MDFIC: variants seen among roughly 807,000 people sequenced by gnomAD.
The protein encoded by MDFIC is myoD family inhibitor domain-containing protein.
In MDFIC, 17 loss-of-function variants were observed where a neutral mutation model predicts 23.2. The ratio of observed to expected loss-of-function variants is 0.73; its 90% CI spans 0.50 to 1.10. MDFIC has a LOEUF of 1.10. MDFIC is among the 50% of genes least tolerant of loss of function. The pLI is 0.00. For synonymous variants in MDFIC, 120 were observed against 115.2 expected, an observed-to-expected ratio of 1.04 and a Z score of -0.27; for missense variants, 356 against 316.6, an observed-to-expected ratio of 1.12 and a Z score of -0.95.
At chr7:114,923,698 G>C in intron 2 of MDFIC, 1 of 1,369,766 alleles carries the variant, frequency 7.3e-7, no homozygotes, top group Non-Finnish European at 9.5e-7. Context: ...TTCTTCCAAA[G>C]TGTAAACACA....
At chr7:114,946,025 TCTGA>T (rs1176158404) in intron 3 of MDFIC, among the ~76,000 whole-genome samples, 1 of 152,208 alleles carries the variant, frequency 6.6e-6, no homozygotes, top group African/African-American at 2.4e-5. Flanking sequence ...TCACTATTCC[TCTGA>T]CTTAGTAAAA....
intron 2 of MDFIC, among the ~76,000 whole-genome samples, chr7:114,936,886 AATTT>A (rs1395806861): frequency 1.3e-5 from 2 of 152,004 alleles, no homozygotes; most frequent in African/African-American, 4.8e-5. Flanking sequence ...AACATTGATT[AATTT>A]ATTCTTTCAA....
At chr7:114,947,140 A>G (rs568329078) in intron 3 of MDFIC, among the ~76,000 whole-genome samples, 1 of 152,298 alleles carries the variant, frequency 6.6e-6, no homozygotes, top group South Asian at 2.1e-4. Flanking sequence ...GTCATCAACC[A>G]GCCCCTAGAT....
At chr7:115,014,062 T>G in intron 4 of MDFIC, 1 of 985,328 alleles carries the variant, frequency 1.0e-6, no homozygotes, top group Non-Finnish European at 1.2e-6. Flanking sequence ...CAAACACAAC[T>G]CTGGAATTTC....
intron 4 of MDFIC, among the ~76,000 whole-genome samples, chr7:115,005,363 A>G (rs993083812): frequency 6.6e-6 from 1 of 152,192 alleles, no homozygotes; most frequent in African/African-American, 2.4e-5. Flanking sequence ...TGCCCCCACT[A>G]TGTTGTGTCC....
intron 3 of MDFIC, among the ~76,000 whole-genome samples, chr7:114,949,389 G>A (rs762749395): frequency 6.6e-6 from 1 of 152,092 alleles, no homozygotes; most frequent in Non-Finnish European, 1.5e-5. Flanking sequence ...TCCCAAAAAT[G>A]CTAACCACTG....
intron 2 of MDFIC, among the ~76,000 whole-genome samples, chr7:114,936,994 C>A (rs1792436697): frequency 6.6e-6 from 1 of 151,844 alleles, no homozygotes; most frequent in African/African-American, 2.4e-5. Context: ...ATGTTATTAT[C>A]TAATTTATTA....
chr7:115,010,042 A>C (rs1277132139), intron 4 of MDFIC, among the ~76,000 whole-genome samples: 3 of 150,884 alleles, frequency 2.0e-5, no homozygotes, highest in Non-Finnish European at 4.4e-5. Flanking sequence ...TAATGACTGA[A>C]TAAAACCATA....
intron 2 of MDFIC, among the ~76,000 whole-genome samples, chr7:114,940,800 G>A (rs1792522907): frequency 6.6e-6 from 1 of 152,084 alleles, no homozygotes; most frequent in Non-Finnish European, 1.5e-5. Flanking sequence ...AGAATAAATT[G>A]GTCTCATGAT....
At chr7:114,978,905 A>G (rs1163547768) in intron 3 of MDFIC, among the ~76,000 whole-genome samples, 1 of 152,194 alleles carries the variant, frequency 6.6e-6, no homozygotes, top group Non-Finnish European at 1.5e-5. Context: ...GTTTTATTAA[A>G]GAAATTATCT....
chr7:114,969,932 A>T (rs1480556273), intron 3 of MDFIC, among the ~76,000 whole-genome samples: 18 of 152,202 alleles, frequency 1.2e-4, no homozygotes, highest in Admixed American at 1.2e-3. Flanking sequence ...ATTTGGAAGT[A>T]GCCCTTCATG....
intron 2 of MDFIC, among the ~76,000 whole-genome samples, chr7:114,931,859 C>T (rs1313648130): frequency 6.6e-6 from 1 of 152,072 alleles, no homozygotes; most frequent in Non-Finnish European, 1.5e-5. Flanking sequence ...ATCTTGTGGT[C>T]GAGCAGGTGA....
chr7:114,927,082 T>C (rs1029480436), intron 2 of MDFIC, among the ~76,000 whole-genome samples: 7 of 152,140 alleles, frequency 4.6e-5, no homozygotes, highest in African/African-American at 1.7e-4. Context: ...ATGCATAGGA[T>C]AGGACAACCT....
At chr7:114,934,213 T>G (rs1792383046) in intron 2 of MDFIC, among the ~76,000 whole-genome samples, 1 of 152,198 alleles carries the variant, frequency 6.6e-6, no homozygotes, top group South Asian at 2.1e-4. Context: ...TCAATCATCC[T>G]AAACATTTAT....
intron 2 of MDFIC, among the ~76,000 whole-genome samples, chr7:114,941,592 C>T (rs1792541193): frequency 6.6e-6 from 1 of 152,060 alleles, no homozygotes; most frequent in Non-Finnish European, 1.5e-5. Context: ...TCCTTTGAAC[C>T]TTTTTAGTGC....
intron 2 of MDFIC, among the ~76,000 whole-genome samples, chr7:114,924,674 G>A (rs1454536332): frequency 6.6e-6 from 1 of 152,136 alleles, no homozygotes; most frequent in Non-Finnish European, 1.5e-5. Context: ...TAGCAACATA[G>A]TTATACATTT....
chr7:114,931,945 GTCC>G (rs2115708439), intron 2 of MDFIC, among the ~76,000 whole-genome samples: 1 of 152,310 alleles, frequency 6.6e-6, no homozygotes, highest in South Asian at 2.1e-4. Context: ...CCGAGGCATA[GTCC>G]TCCTACTCTT....
chr7:114,923,507 A>T (rs377226220), intron 2 of MDFIC: 169 of 1,537,652 alleles, frequency 1.1e-4, no homozygotes, highest in Non-Finnish European at 1.5e-4. Context: ...ACAAGCGTGC[A>T]CTTACTCCAT....
chr7:114,968,474 T>A (rs966036730), intron 3 of MDFIC, among the ~76,000 whole-genome samples: 6 of 152,262 alleles, frequency 3.9e-5, no homozygotes, highest in African/African-American at 1.4e-4. Context: ...GTTGCACGAT[T>A]TATCTGAATA....
Sources: allele counts gnomAD v4.1 joint callset (sites outside exome capture counted in the v4.1 genomes callset), GRCh38; gene constraint gnomAD v4.1.1; transcripts MANE v1.5; gene names NCBI Gene and HGNC (gene_info 2026-07-23, HGNC 2026-07-21).